The following FOXN3 variants were observed in gnomAD, a reference collection of about 807,000 sequenced individuals.
FOXN3 encodes forkhead box N3.
In FOXN3, 7 loss-of-function variants were observed where a neutral mutation model predicts 38.4. The observed-to-expected ratio is 0.18, with a 90% CI of 0.10 to 0.34. The LOEUF is 0.34. FOXN3 is among the 10% of genes least tolerant of loss of function. FOXN3 has a pLI of 1.00. For synonymous variants in FOXN3, 230 were observed against 242.2 expected (o/e 0.95, Z 0.47); for missense variants, 456 against 613.4 (o/e 0.74, Z 2.71).
At chr14:89,533,152 C>CA (rs1894607632) in intron 1 of FOXN3, among the ~76,000 whole-genome samples, 2 of 152,200 alleles carry the variant, frequency 1.3e-5, no homozygotes, top group East Asian at 3.8e-4. Context: ...CACATAAACT[C>CA]AAAGCTAAAA....
chr14:89,399,538 C>G (rs577440510), intron 2 of FOXN3, among the ~76,000 whole-genome samples: 1 of 152,280 alleles, frequency 6.6e-6, no homozygotes, highest in Admixed American at 6.5e-5. Flanking sequence ...TAAGCCAACT[C>G]GAGTGACTCT....
intron 1 of FOXN3, among the ~76,000 whole-genome samples, chr14:89,568,987 G>A (rs950307047): frequency 2.6e-5 from 4 of 152,186 alleles, no homozygotes; most frequent in Non-Finnish European, 4.4e-5. Context: ...GGCAGATCAC[G>A]AGGTCAGGAG....
chr14:89,507,399 G>C (rs1228865723), intron 1 of FOXN3, among the ~76,000 whole-genome samples: 1 of 152,186 alleles, frequency 6.6e-6, no homozygotes, highest in Admixed American at 6.5e-5. Flanking sequence ...TAGCAGGCCA[G>C]GTAACACTTG....
chr14:89,585,152 C>G (rs966695806), intron 1 of FOXN3, among the ~76,000 whole-genome samples: 75 of 152,176 alleles, frequency 4.9e-4, no homozygotes, highest in African/African-American at 1.8e-3. Flanking sequence ...ACACCTCACA[C>G]TTTCCTCTAT....
chr14:89,346,395 G>A (rs1409072419), intron 3 of FOXN3, among the ~76,000 whole-genome samples: 2 of 152,184 alleles, frequency 1.3e-5, no homozygotes, highest in Non-Finnish European at 1.5e-5. Context: ...CCTCTGGTCT[G>A]TAATAGATTC....
chr14:89,332,337 T>C (rs994707125), intron 3 of FOXN3, among the ~76,000 whole-genome samples: 14 of 152,162 alleles, frequency 9.2e-5, no homozygotes, highest in African/African-American at 3.4e-4. Context: ...CTTCATCTTT[T>C]AAGAGAAATT....
chr14:89,472,169 C>T (rs1264466839), intron 1 of FOXN3, among the ~76,000 whole-genome samples: 4 of 150,974 alleles, frequency 2.6e-5, no homozygotes, highest in African/African-American at 7.3e-5. Flanking sequence ...GCAGGAGAAT[C>T]GCTGGAACCC....
intron 3 of FOXN3, among the ~76,000 whole-genome samples, chr14:89,310,521 C>T (rs1050490831): frequency 6.6e-6 from 1 of 152,204 alleles, no homozygotes; most frequent in African/African-American, 2.4e-5. Flanking sequence ...GCAAAGACAA[C>T]TACTAATGAA....
intron 1 of FOXN3, among the ~76,000 whole-genome samples, chr14:89,546,426 T>A (rs933313144): frequency 7.3e-6 from 1 of 136,918 alleles, no homozygotes; most frequent in African/African-American, 2.8e-5. Flanking sequence ...GCCTCCCGGG[T>A]TCAAGTGATT....
chr14:89,198,325 A>G (rs1012158944), intron 4 of FOXN3, among the ~76,000 whole-genome samples: 14 of 152,212 alleles, frequency 9.2e-5, no homozygotes, highest in African/African-American at 3.4e-4. Flanking sequence ...TAGATCACAT[A>G]CAAATACTAC....
intron 2 of FOXN3, among the ~76,000 whole-genome samples, chr14:89,407,849 A>C (rs988985249): frequency 3.3e-5 from 5 of 152,116 alleles, no homozygotes; most frequent in Non-Finnish European, 5.9e-5. Context: ...AAACCGAAAA[A>C]CAACTTCAGA....
At chr14:89,546,371 C>T (rs1437955540) in intron 1 of FOXN3, among the ~76,000 whole-genome samples, 2 of 122,924 alleles carry the variant, frequency 1.6e-5, no homozygotes, top group Non-Finnish European at 3.2e-5. Context: ...CGCTCTGTCA[C>T]CAGGCTGGAG....
At chr14:89,544,775 T>TATATACTACAC (rs1229172293) in intron 1 of FOXN3, among the ~76,000 whole-genome samples, 1 of 152,010 alleles carries the variant, frequency 6.6e-6, no homozygotes, top group Non-Finnish European at 1.5e-5. Context: ...TACAGATGGG[T>TATATACTACAC]AGTATATACA....
At chr14:89,589,731 CG>C (rs1284690163) in intron 1 of FOXN3, among the ~76,000 whole-genome samples, 1 of 6,582 alleles carries the variant, frequency 1.5e-4, no homozygotes, top group Non-Finnish European at 4.2e-4. Context: ...GAATTGGGGG[CG>C]GGGGGGCGGG....
chr14:89,572,601 C>T (rs1454577926), intron 1 of FOXN3, among the ~76,000 whole-genome samples: 1 of 152,218 alleles, frequency 6.6e-6, no homozygotes, highest in Non-Finnish European at 1.5e-5. Context: ...CTTCCCCTTT[C>T]CTATCATTAG....
At chr14:89,202,986 G>C (rs1337214519) in intron 4 of FOXN3, among the ~76,000 whole-genome samples, 1 of 149,214 alleles carries the variant, frequency 6.7e-6, no homozygotes, top group Non-Finnish European at 1.5e-5. Context: ...CTGGGGCAAT[G>C]GTTATCTTCC....
intron 2 of FOXN3, among the ~76,000 whole-genome samples, chr14:89,388,141 G>A (rs1227949999): frequency 5.3e-5 from 8 of 152,176 alleles, no homozygotes; most frequent in South Asian, 2.1e-4. Flanking sequence ...CCGAGATTGC[G>A]ACATTGCACT....
chr14:89,220,212 G>A (rs1884422056), intron 4 of FOXN3, among the ~76,000 whole-genome samples: 1 of 152,190 alleles, frequency 6.6e-6, no homozygotes, highest in Non-Finnish European at 1.5e-5. Context: ...TCAGACCATG[G>A]AAAGTGGCAG....
intron 3 of FOXN3, among the ~76,000 whole-genome samples, chr14:89,333,764 A>AC (rs1566959204): frequency 2.0e-5 from 3 of 149,878 alleles, no homozygotes; most frequent in East Asian, 3.9e-4. Context: ...AAAAAAAAAA[A>AC]AAAAAAAAAA....
Sources: gnomAD v4.1 joint callset for allele counts (sites outside exome capture counted in the v4.1 genomes callset) on GRCh38, gnomAD v4.1.1 for gene constraint, MANE v1.5 for transcripts, NCBI Gene and HGNC (gene_info 2026-07-23, HGNC 2026-07-21) for gene names.